The following TRABD2B variants were observed in gnomAD, a reference collection of about 807,000 sequenced individuals.
TRABD2B encodes the protein metalloprotease TIKI2.
In TRABD2B, 14 loss-of-function variants were observed where a neutral mutation model predicts 40.1. The ratio of observed to expected loss-of-function variants is 0.35; its 90% CI spans 0.23 to 0.55. The LOEUF (loss-of-function observed/expected upper bound fraction) is 0.55. TRABD2B is among the 20% of genes least tolerant of loss of function. The probability of loss-of-function intolerance (pLI) is 0.90; values close to 1 mark genes in which losing one functional copy is unlikely to be tolerated. For synonymous variants in TRABD2B, 263 were observed against 277.0 expected (o/e 0.95, Z 0.50); for missense variants, 541 against 648.6 (o/e 0.83, Z 1.80).
intron 2 of TRABD2B, among the ~76,000 whole-genome samples, chr1:47,958,842 C>G (rs566238561): frequency 6.6e-6 from 1 of 152,276 alleles, no homozygotes; most frequent in Non-Finnish European, 1.5e-5. Flanking sequence ...GAATTGAACT[C>G]AGCTCTGCAC....
intron 2 of TRABD2B, among the ~76,000 whole-genome samples, chr1:47,938,956 ACAGAG>A (rs1645150283): frequency 1.3e-5 from 2 of 151,954 alleles, no homozygotes; most frequent in South Asian, 2.1e-4. Context: ...AGAGACAGAG[ACAGAG>A]AGGGGCAGAC....
chr1:47,901,883 A>G (rs895579772), intron 2 of TRABD2B, among the ~76,000 whole-genome samples: 5 of 152,128 alleles, frequency 3.3e-5, no homozygotes, highest in African/African-American at 1.2e-4. Context: ...AGAAGGCCTC[A>G]CAGAGGAGGT....
chr1:47,991,292 C>A (rs1434954976), intron 2 of TRABD2B, among the ~76,000 whole-genome samples: 1 of 152,110 alleles, frequency 6.6e-6, no homozygotes, highest in Non-Finnish European at 1.5e-5. Context: ...GAGCCTCCTG[C>A]AGGGTGCCTG....
chr1:47,876,379 C>T (rs1644226019), intron 2 of TRABD2B, among the ~76,000 whole-genome samples: 1 of 152,214 alleles, frequency 6.6e-6, no homozygotes, highest in Non-Finnish European at 1.5e-5. Flanking sequence ...CCCATGGCAA[C>T]CTGGGAACCA....
chr1:47,829,248 C>G (rs12041283), intron 2 of TRABD2B, among the ~76,000 whole-genome samples: 6,668 of 152,100 alleles, frequency 0.044, 333 homozygotes, highest in East Asian at 0.21. Flanking sequence ...CTCGAGCTGC[C>G]CATAGAGTTC....
intron 2 of TRABD2B, among the ~76,000 whole-genome samples, chr1:47,944,116 A>T (rs539818634): frequency 6.6e-6 from 1 of 152,288 alleles, no homozygotes; most frequent in Admixed American, 6.5e-5. Flanking sequence ...CTACCTGGGG[A>T]ATAAAGGATG....
chr1:47,971,723 C>T (rs1645684893), intron 2 of TRABD2B, among the ~76,000 whole-genome samples: 2 of 152,184 alleles, frequency 1.3e-5, no homozygotes, highest in South Asian at 4.1e-4. Context: ...TTCCTGGATA[C>T]AGCCTCAAAC....
At chr1:47,878,645 C>G (rs998784477) in intron 2 of TRABD2B, among the ~76,000 whole-genome samples, 1 of 152,176 alleles carries the variant, frequency 6.6e-6, no homozygotes, top group Admixed American at 6.5e-5. Flanking sequence ...AATACAAAAT[C>G]TAGAATTGAG....
intron 2 of TRABD2B, among the ~76,000 whole-genome samples, chr1:47,802,455 T>G (rs1439105711): frequency 6.6e-6 from 1 of 152,186 alleles, no homozygotes; most frequent in Non-Finnish European, 1.5e-5. Flanking sequence ...TTCACATAGC[T>G]AGGCCTGGAG....
chr1:47,965,015 A>G (rs892023495), intron 2 of TRABD2B, among the ~76,000 whole-genome samples: 9 of 151,838 alleles, frequency 5.9e-5, no homozygotes, highest in African/African-American at 2.2e-4. Flanking sequence ...TCTTCAAAGA[A>G]TAAGTCTTTT....
At chr1:47,970,993 C>G (rs1645674199) in intron 2 of TRABD2B, among the ~76,000 whole-genome samples, 1 of 152,200 alleles carries the variant, frequency 6.6e-6, no homozygotes, top group Admixed American at 6.5e-5. Flanking sequence ...TCGTCAAACT[C>G]TACATCACTG....
intron 2 of TRABD2B, among the ~76,000 whole-genome samples, chr1:47,965,681 G>A (rs937619035): frequency 6.6e-6 from 1 of 152,160 alleles, no homozygotes; most frequent in Non-Finnish European, 1.5e-5. Flanking sequence ...TTCAGTACAT[G>A]GGGAAATGGG....
At chr1:47,947,745 A>G (rs565396081) in intron 2 of TRABD2B, among the ~76,000 whole-genome samples, 125 of 152,348 alleles carry the variant, frequency 8.2e-4, no homozygotes, top group Middle Eastern at 3.4e-3. Flanking sequence ...CAGAGCTGAC[A>G]TGCACTAACA....
At chr1:47,832,339 A>T (rs906901608) in intron 2 of TRABD2B, among the ~76,000 whole-genome samples, 2 of 152,156 alleles carry the variant, frequency 1.3e-5, no homozygotes, top group African/African-American at 4.8e-5. Flanking sequence ...CTCAAAAAAA[A>T]AAAAGAGGTC....
intron 2 of TRABD2B, among the ~76,000 whole-genome samples, chr1:47,802,215 G>A (rs1644833025): frequency 6.6e-6 from 1 of 151,700 alleles, no homozygotes; most frequent in African/African-American, 2.4e-5. Context: ...CAGATCTGTG[G>A]GCATCAGGAT....
chr1:47,853,017 G>A (rs11211620), intron 2 of TRABD2B, among the ~76,000 whole-genome samples: 58,994 of 151,516 alleles, frequency 0.39, 11,785 homozygotes, highest in East Asian at 0.65. Flanking sequence ...GCAGGTAAAG[G>A]GGGGTGGGTG....
intron 2 of TRABD2B, among the ~76,000 whole-genome samples, chr1:47,952,899 C>T (rs1212162534): frequency 6.6e-6 from 1 of 152,166 alleles, no homozygotes; most frequent in South Asian, 2.1e-4. Context: ...TGGGTCTTCT[C>T]GACTATCAGC....
chr1:47,982,796 T>C (rs1397193875), intron 2 of TRABD2B, among the ~76,000 whole-genome samples: 2 of 152,198 alleles, frequency 1.3e-5, no homozygotes, highest in African/African-American at 2.4e-5. Context: ...CGTGTAAGTC[T>C]GCTTCCTTTC....
At chr1:47,939,494 C>T (rs1306125254) in intron 2 of TRABD2B, among the ~76,000 whole-genome samples, 11 of 152,142 alleles carry the variant, frequency 7.2e-5, no homozygotes, top group Admixed American at 7.2e-4. Context: ...TGCCATTTGC[C>T]AGGTGCCATG....
Sources: allele counts gnomAD v4.1 joint callset (sites outside exome capture counted in the v4.1 genomes callset), GRCh38; gene constraint gnomAD v4.1.1; transcripts MANE v1.5; gene names NCBI Gene and HGNC (gene_info 2026-07-23, HGNC 2026-07-21).